Variants in CDCA7L observed in about 807,000 individuals in gnomAD.
CDCA7L encodes cell division cycle-associated 7-like protein.
In CDCA7L, 44 loss-of-function variants were observed where a neutral mutation model predicts 57.4. That is an observed-to-expected ratio of 0.77 (90% confidence interval 0.60 to 0.98). The LOEUF (loss-of-function observed/expected upper bound fraction) is 0.98, where lower values mean the gene tolerates loss of function less well. Among genes scored for constraint, CDCA7L ranks in the 50% least tolerant of loss-of-function variants. The pLI, the probability that CDCA7L is intolerant of heterozygous loss-of-function variation, is 0.00. For missense variants in CDCA7L, 644 were observed against 580.6 expected (o/e 1.11, Z -1.12); for synonymous variants, 236 against 202.8 (o/e 1.16, Z -1.39).
At chr7:21,906,991 C>G (rs763403744) in intron 4 of CDCA7L, among the ~76,000 whole-genome samples, 24 of 152,082 alleles carry the variant, frequency 1.6e-4, no homozygotes, top group Non-Finnish European at 2.8e-4. Context: ...ATTTTGCACA[C>G]GTGAGTCTCA....
intron 1 of CDCA7L, among the ~76,000 whole-genome samples, chr7:21,945,580 T>G (rs1583886846): frequency 6.6e-6 from 1 of 151,868 alleles, no homozygotes; most frequent in African/African-American, 2.4e-5. Flanking sequence ...GACCGGCCTC[T>G]GTGGTCCGCG....
chr7:21,902,637 T>C (rs746023931), intron 9 of CDCA7L: 10 of 528,048 alleles, frequency 1.9e-5, no homozygotes, highest in Non-Finnish European at 3.4e-5. Flanking sequence ...GAACTCTCTC[T>C]CTGCACTAGG....
At chr7:21,945,672 G>A in intron 1 of CDCA7L, 109 bp downstream of exon 1, 3 of 1,401,838 alleles carry the variant, frequency 2.1e-6, no homozygotes, top group Admixed American at 4.0e-5. Flanking sequence ...CAGATCCCCA[G>A]TGCCGCAGCC....
chr7:21,901,171 T>G lies in CDCA7L; in HGVS notation c.*1151A>C. 1.2e-6 allele frequency: 2 copies of G among 1,610,716 alleles called. No individual in the cohort carries two copies. The highest frequency in any genetic ancestry group is 1.7e-6 in the Non-Finnish European group (2 of 1,177,370). ...TAGAACCAAACTGAGAGGCCCCAGCTACATCTGGACCTTCAGGCTGAAGAG... is the reference window on the plus strand; with the variant it reads ...TAGAACCAAACTGAGAGGCCCCAGCGACATCTGGACCTTCAGGCTGAAGAG... On this transcript the variant is annotated 3_prime_UTR_variant, in exon 10 of 10. Coordinates refer to ENST00000406877, the MANE Select transcript of CDCA7L (RefSeq NM_018719.5).
intron 1 of CDCA7L, among the ~76,000 whole-genome samples, chr7:21,934,136 C>T (rs1394125885): frequency 6.6e-6 from 1 of 152,140 alleles, no homozygotes; most frequent in Non-Finnish European, 1.5e-5. Flanking sequence ...AAGGTAAATA[C>T]ATGGACAAAT....
At position 21,904,230 on chromosome 7, in the gene CDCA7L, C is replaced by T; in HGVS notation, c.1077G>A (p.Lys359=). Residue 359 remains lysine (K), a synonymous_variant, in exon 8 of 10, where the codon AAG becomes AAA. Coordinates refer to ENST00000406877, the MANE Select transcript of CDCA7L (RefSeq NM_018719.5). The part of the protein sequence containing the change: ...LGNTCHQCRQ[K]TIDTKTVCRN... ...GACACACTGTCTTGGTGTCGATGGT[C>T]TTTTGTCGACACTGATGGCACGTGT... 6.2e-7 allele frequency: 1 copy of T among 1,611,724 alleles called. No individual in the cohort carries two copies. Among genetic ancestry groups the T allele is most frequent in the Non-Finnish European group, 8.5e-7 (1 of 1,178,828 alleles).
At chr7:21,945,651 G>A in intron 1 of CDCA7L, 130 bp downstream of exon 1, 2 of 1,175,586 alleles carry the variant, frequency 1.7e-6, no homozygotes, top group Non-Finnish European at 2.4e-6. Context: ...CACTCAACCG[G>A]CTGGGCGCGC....
At chr7:21,927,517 A>T (rs1162561509) in intron 1 of CDCA7L, among the ~76,000 whole-genome samples, 1 of 152,226 alleles carries the variant, frequency 6.6e-6, no homozygotes, top group Non-Finnish European at 1.5e-5. Context: ...AGAAGAGTGA[A>T]AACAGCCTAA....
Position 21,904,240 on chromosome 7 carries a change from C to G in CDCA7L, c.1067G>C (p.Cys356Ser). ...DKVLGNTCHQ[C>S]RQKTIDTKTV... ...CTTGGTGTCGATGGTCTTTTGTCGACACTGATGGCACGTGTTACCCTACAG... is the reference window on the plus strand; with the variant it reads ...CTTGGTGTCGATGGTCTTTTGTCGAGACTGATGGCACGTGTTACCCTACAG... Residue 356 changes from cysteine to serine, a missense_variant, in exon 8 of 10, where the codon TGT becomes TCT. Physicochemically the swap from Cys to Ser is moderately radical, Grantham distance 112. Coordinates refer to ENST00000406877, the MANE Select transcript of CDCA7L (RefSeq NM_018719.5). The G allele has an allele frequency of 6.2e-7, 1 of 1,608,826 alleles. No individual in the cohort carries two copies. The highest frequency in any genetic ancestry group is 8.5e-7 in the Non-Finnish European group (1 of 1,177,408).
rs748025401 is a variant in CDCA7L, at chr7:21,901,277, CCTCTGCTGGAGTGCAGTGAGGATTT to C, written c.*1020_*1044del. 2 of 1,592,070 alleles carry C rather than the reference CCTCTGCTGGAGTGCAGTGAGGATTT, an allele frequency of 1.3e-6. No homozygotes were observed. Among genetic ancestry groups the C allele is most frequent in the Admixed American group, 1.7e-5 (1 of 58,026 alleles). On this transcript the variant is annotated 3_prime_UTR_variant, in exon 10 of 10. Coordinates refer to ENST00000406877, the MANE Select transcript of CDCA7L (RefSeq NM_018719.5). ...TAAGGTAACACTGGCATTCCTCTAG[CCTCTGCTGGAGTGCAGTGAGGATTT>C]TCTAGCATGTTGCTGCACTGTTCCC...
At chr7:21,903,570 G>A (rs1785018928) in intron 8 of CDCA7L, among the ~76,000 whole-genome samples, 1 of 149,614 alleles carries the variant, frequency 6.7e-6, no homozygotes, top group African/African-American at 2.5e-5. Context: ...TGCCTAAGAG[G>A]TCACACTCGG....
chr7:21,943,547 T>C (rs1786412718), intron 1 of CDCA7L, among the ~76,000 whole-genome samples: 1 of 152,266 alleles, frequency 6.6e-6, no homozygotes, highest in African/African-American at 2.4e-5. Context: ...AACATCTTGC[T>C]GTGCCTGAAA....
intron 6 of CDCA7L, 33 bp downstream of exon 6, chr7:21,906,256 C>T (rs372949340): frequency 1.2e-5 from 18 of 1,557,170 alleles, no homozygotes; most frequent in Admixed American, 1.9e-5. Flanking sequence ...GTAGCTCAGA[C>T]AAAAACTAAT....
rs996237621 is a variant in CDCA7L at position 21,902,257 on chromosome 7, C to A, written c.*65G>T. The A allele has an allele frequency of 1.5e-4, 212 of 1,436,628 alleles. No homozygotes were observed. Among genetic ancestry groups the A allele is most frequent in the Non-Finnish European group, 1.2e-4 (119 of 1,020,154 alleles). The allele number at this position is 1,436,628 out of a possible 1,614,324, so 89.0% of individuals were successfully genotyped here. The stretch of plus-strand genomic sequence containing the variant: ...ACTGTAAAAAAATCTTTCTTAGGCA[C>A]CAATGGTATGCATGTCTTGTTGGAG... On this transcript the variant is annotated 3_prime_UTR_variant, in exon 10 of 10. Transcript: ENST00000406877.
chr7:21,908,196 A>T lies in CDCA7L; in HGVS notation c.615T>A (p.Asp205Glu). Reference protein sequence around the residue: ...STSESEDDSRDESQESSDALL... With the variant: ...STSESEDDSREESQESSDALL... ...AAGCATCTGAACTCTCCTGGCTCTC[A>T]TCCCGAGAGTCATCCTCAGACTCAG... The change falls in exon 4 of 10, where the codon GAT (aspartate) becomes GAA (glutamate). Residue 205 changes from aspartate to glutamate, a missense_variant. Coordinates refer to ENST00000406877, the MANE Select transcript of CDCA7L (RefSeq NM_018719.5). The T allele has an allele frequency of 6.2e-7, 1 of 1,608,588 alleles. No individual in the cohort carries two copies. The highest frequency in any genetic ancestry group is 8.5e-7 in the Non-Finnish European group (1 of 1,178,792).
In CDCA7L at chr7:21,941,891, A is replaced by T. The variant is rs112685838; in HGVS notation, c.24+3890T>A. 4.9e-3 allele frequency among the ~76,000 whole-genome samples: 749 copies of T among 152,312 alleles called. 4 individuals are homozygous for T. The highest frequency in any genetic ancestry group is 0.017 in the African/African-American group (712 of 41,552). ...GATAGTTTCCATTCCTTGGGGGCAAAAAAGGATGGCTCTTAAGGTCTCCCT... is the reference window on the plus strand; with the variant it reads ...GATAGTTTCCATTCCTTGGGGGCAATAAAGGATGGCTCTTAAGGTCTCCCT... On this transcript the variant is annotated intron_variant, in intron 1 of 9. Coordinates refer to ENST00000406877, the MANE Select transcript of CDCA7L (RefSeq NM_018719.5).
At chr7:21,910,146 C>T (rs1421977239) in intron 3 of CDCA7L, among the ~76,000 whole-genome samples, 2 of 152,218 alleles carry the variant, frequency 1.3e-5, no homozygotes, top group Non-Finnish European at 2.9e-5. Flanking sequence ...CTTTCTCTCA[C>T]TAGAAATGCA....
intron 1 of CDCA7L, among the ~76,000 whole-genome samples, chr7:21,928,975 G>A (rs759080603): frequency 3.3e-5 from 5 of 152,032 alleles, no homozygotes; most frequent in East Asian, 1.9e-4. Flanking sequence ...GATACTCCTC[G>A]AGAAGAGCAA....
At chr7:21,915,924 C>G (rs2128061707) in intron 2 of CDCA7L, among the ~76,000 whole-genome samples, 1 of 152,236 alleles carries the variant, frequency 6.6e-6, no homozygotes, top group East Asian at 1.9e-4. Context: ...GGGTCAACTG[C>G]TGTGGAGATG....
Sources: gnomAD v4.1 joint callset for allele counts (sites outside exome capture counted in the v4.1 genomes callset) on GRCh38, gnomAD v4.1.1 for gene constraint, MANE v1.5 for transcripts, NCBI Gene and HGNC (gene_info 2026-07-23, HGNC 2026-07-21) for gene names.